LRBA: variants seen among roughly 807,000 people sequenced by gnomAD.
LRBA encodes the protein lipopolysaccharide-responsive and beige-like anchor protein.
A neutral mutation model predicts 330.0 loss-of-function variants in LRBA; 176 were observed. The observed-to-expected ratio is 0.53, with a 90% CI of 0.47 to 0.60. The LOEUF (loss-of-function observed/expected upper bound fraction) is 0.60, where lower values mean the gene tolerates loss of function less well. Ranked by LOEUF, LRBA falls within the 20% of genes least tolerant of loss-of-function variation. The pLI, the probability that LRBA is intolerant of heterozygous loss-of-function variation, is 0.00. For synonymous variants in LRBA, 1,230 were observed against 1,193.0 expected, an observed-to-expected ratio of 1.03 and a Z score of -0.64; for missense variants, 3,259 against 3,444.8, an observed-to-expected ratio of 0.95 and a Z score of 1.35.
intron 2 of LRBA, among the ~76,000 whole-genome samples, chr4:150,929,817 A>T (rs989373479): frequency 1.3e-5 from 2 of 151,990 alleles, no homozygotes; most frequent in African/African-American, 2.4e-5. Context: ...AAATTTTTTT[A>T]AATTTAAATT....
chr4:150,525,224 C>A (rs1763329153), intron 40 of LRBA, among the ~76,000 whole-genome samples: 1 of 151,750 alleles, frequency 6.6e-6, no homozygotes, highest in Non-Finnish European at 1.5e-5. Context: ...TTAAAAAAAA[C>A]TGAAGAAAAT....
chr4:150,811,571 T>C (rs770295468), intron 31 of LRBA, among the ~76,000 whole-genome samples: 16 of 152,146 alleles, frequency 1.1e-4, no homozygotes, highest in Non-Finnish European at 2.2e-4. Flanking sequence ...GGTGTGATCA[T>C]AGCTCACCAC....
intron 4 of LRBA, among the ~76,000 whole-genome samples, chr4:150,922,758 C>T (rs1406233208): frequency 1.3e-5 from 2 of 151,826 alleles, no homozygotes; most frequent in African/African-American, 4.8e-5. Flanking sequence ...ACCCCAATAA[C>T]TTATGGAAAA....
intron 43 of LRBA, among the ~76,000 whole-genome samples, chr4:150,471,222 C>T (rs1258260243): frequency 6.6e-6 from 1 of 152,132 alleles, no homozygotes; most frequent in Non-Finnish European, 1.5e-5. Flanking sequence ...CTTATGCTTT[C>T]AGTCTTACAT....
chr4:150,604,344 C>T lies in LRBA; in HGVS notation c.5922-5213G>A, dbSNP rs140437834. Among the ~76,000 whole-genome samples the T allele has an allele frequency of 8.6e-5, 13 of 151,212 alleles. No individual in the cohort carries two copies. In the East Asian group the frequency reaches 2.3e-3, roughly 27 times the overall value. On this transcript the variant is annotated intron_variant, in intron 37 of 56. Transcript: ENST00000651943. ...TCTTGAGCCCATAAGTTGGAGGTTG[C>T]TGTGAGCTCTGATGATGGCAATGAA...
At position 150,830,757 on chromosome 4, in the gene LRBA, CTTTTTTTT is replaced by C. The variant is rs57178610; in HGVS notation, c.4729+1052_4729+1059del. On this transcript the variant is annotated intron_variant, in intron 29 of 56. Transcript: ENST00000651943. The stretch of plus-strand genomic sequence containing the variant: ...ATCCTCTACACAGAATACAGAGTTA[CTTTTTTTT>C]TTTTTTTTTTTTTTGGAAACGGAGT... Among the ~76,000 whole-genome samples the C allele has an allele frequency of 4.3e-3, 349 of 81,998 alleles. 1 individual carries two copies. Among genetic ancestry groups the C allele is most frequent in the African/African-American group, 0.014 (333 of 23,188 alleles). 53.8% of individuals were successfully genotyped at this position (81,998 alleles called of 152,430 possible).
chr4:150,949,765 A>ACTCTCT (rs10649451), intron 2 of LRBA, among the ~76,000 whole-genome samples: 1 of 151,882 alleles, frequency 6.6e-6, no homozygotes, highest in Non-Finnish European at 1.5e-5. Context: ...CGGCAAGGAA[A>ACTCTCT]CTCGTAAGTT....
chr4:150,584,954 G>A (rs1456865004), intron 40 of LRBA, among the ~76,000 whole-genome samples: 1 of 151,964 alleles, frequency 6.6e-6, no homozygotes, highest in Non-Finnish European at 1.5e-5. Flanking sequence ...TCTACTTCAC[G>A]CTTGGGAAAA....
intron 44 of LRBA, among the ~76,000 whole-genome samples, chr4:150,447,878 AG>A (rs1752809668): frequency 6.6e-6 from 1 of 152,212 alleles, no homozygotes; most frequent in Admixed American, 6.5e-5. Context: ...TTCCCAAATG[AG>A]GCACCTTTTT....
chr4:150,840,655 C>T (rs554100821), intron 28 of LRBA: 7 of 157,616 alleles, frequency 4.4e-5, no homozygotes, highest in African/African-American at 1.7e-4. Flanking sequence ...ATCAGCATGA[C>T]AGATAAATAA....
intron 44 of LRBA, among the ~76,000 whole-genome samples, chr4:150,444,801 T>C (rs2152014869): frequency 6.6e-6 from 1 of 152,338 alleles, no homozygotes; most frequent in African/African-American, 2.4e-5. Flanking sequence ...ATTTTACTTA[T>C]TGTGCCTATG....
chr4:150,304,290 T>C (rs896947641), intron 52 of LRBA, among the ~76,000 whole-genome samples: 9 of 152,240 alleles, frequency 5.9e-5, no homozygotes, highest in Non-Finnish European at 1.2e-4. Context: ...AATATTTACA[T>C]TAAATTTTTA....
intron 44 of LRBA, among the ~76,000 whole-genome samples, chr4:150,443,853 A>AAAT (rs70941406): frequency 9.3e-5 from 7 of 75,470 alleles, no homozygotes; most frequent in African/African-American, 2.3e-4. Flanking sequence ...TAATTAAAAA[A>AAAT]ATATATATAT....
chr4:150,392,678 TA>T (rs1343758419), intron 47 of LRBA, among the ~76,000 whole-genome samples: 1 of 152,144 alleles, frequency 6.6e-6, no homozygotes, highest in Admixed American at 6.6e-5. Context: ...ATCAATTTTA[TA>T]TCCTGAGAAT....
At chr4:150,452,414 G>A (rs1753456834) in intron 44 of LRBA, among the ~76,000 whole-genome samples, 1 of 152,128 alleles carries the variant, frequency 6.6e-6, no homozygotes, top group Non-Finnish European at 1.5e-5. Context: ...ACAAGGTCAG[G>A]AGATGGAGAC....
intron 55 of LRBA, among the ~76,000 whole-genome samples, chr4:150,279,375 C>A (rs747927349): frequency 2.0e-5 from 3 of 152,186 alleles, no homozygotes; most frequent in Non-Finnish European, 4.4e-5. Flanking sequence ...TACAAATTTC[C>A]TTTCTTTAGT....
intron 37 of LRBA, among the ~76,000 whole-genome samples, chr4:150,611,409 C>G (rs1365582846): frequency 6.6e-6 from 1 of 152,070 alleles, no homozygotes; most frequent in African/African-American, 2.4e-5. Context: ...TACCCATTAC[C>G]AAAAATTTTC....
chr4:150,508,040 G>A (rs1761333647), intron 40 of LRBA, among the ~76,000 whole-genome samples: 1 of 137,196 alleles, frequency 7.3e-6, no homozygotes, highest in East Asian at 2.4e-4. Context: ...AGAACACATG[G>A]ACACAGGAAG....
chr4:150,861,090 TA>T (rs1378197214), intron 22 of LRBA, among the ~76,000 whole-genome samples: 2 of 152,190 alleles, frequency 1.3e-5, no homozygotes, highest in Non-Finnish European at 2.9e-5. Context: ...CTATTTTTTT[TA>T]ATGTTTTAAT....
Sources: gnomAD v4.1 joint callset for allele counts (sites outside exome capture counted in the v4.1 genomes callset) on GRCh38, gnomAD v4.1.1 for gene constraint, MANE v1.5 for transcripts, NCBI Gene and HGNC (gene_info 2026-07-23, HGNC 2026-07-21) for gene names.